The following ATL2 variants were observed in gnomAD, a reference collection of about 807,000 sequenced individuals.
ATL2 encodes atlastin-2.
A neutral mutation model predicts 73.9 loss-of-function variants in ATL2; 31 were observed. That is an observed-to-expected ratio of 0.42 (90% CI 0.32 to 0.57). The LOEUF (loss-of-function observed/expected upper bound fraction) is 0.57, where lower values mean the gene tolerates loss of function less well. Ranked by LOEUF, ATL2 falls within the 20% of genes least tolerant of loss-of-function variation. ATL2 has a pLI of 0.14. For missense variants in ATL2, 738 were observed against 702.6 expected, an observed-to-expected ratio of 1.05 and a Z score of -0.57; for synonymous variants, 291 against 237.5, an observed-to-expected ratio of 1.23 and a Z score of -2.07.
At chr2:38,318,188 G>C (rs1668125670) in intron 4 of ATL2, 1 of 173,586 alleles carries the variant, frequency 5.8e-6, no homozygotes, top group Non-Finnish European at 1.2e-5. Context: ...ATTTTCAAGA[G>C]GGGCAAATGC....
At position 38,295,501 on chromosome 2, in the gene ATL2, G is replaced by T. The variant is rs12712582; in HGVS notation, c.*493C>A. ...CTGTGAAGTTTCTGATACATGCATTGATGTAATACTGGTATTGAAGGCAGT... is the reference window on the plus strand; with the variant it reads ...CTGTGAAGTTTCTGATACATGCATTTATGTAATACTGGTATTGAAGGCAGT... On this transcript the variant is annotated 3_prime_UTR_variant, in exon 13 of 13. Coordinates refer to ENST00000378954, the MANE Select transcript of ATL2 (RefSeq NM_001135673.4). 0.43 allele frequency: 65,498 copies of T among 152,098 alleles called. 15,598 individuals carry two copies. Among genetic ancestry groups the T allele is most frequent in the African/African-American group, 0.65 (26,795 of 41,486 alleles). 9.4% of individuals were successfully genotyped at this position (152,098 alleles called of 1,614,324 possible).
At chr2:38,372,675 T>C (rs1010267089) in intron 1 of ATL2, among the ~76,000 whole-genome samples, 13 of 152,206 alleles carry the variant, frequency 8.5e-5, no homozygotes, top group African/African-American at 3.1e-4. Context: ...AATGATCACA[T>C]CTTATGTTAA....
chr2:38,368,728 A>C (rs1010674427), intron 1 of ATL2, among the ~76,000 whole-genome samples: 5 of 152,254 alleles, frequency 3.3e-5, no homozygotes, highest in Admixed American at 3.3e-4. Flanking sequence ...CCTGCATGCA[A>C]ACAGGCTTTT....
At chr2:38,341,342 A>G (rs1242046586) in intron 2 of ATL2, among the ~76,000 whole-genome samples, 1 of 152,202 alleles carries the variant, frequency 6.6e-6, no homozygotes, top group Non-Finnish European at 1.5e-5. Flanking sequence ...TCAAGTCTAA[A>G]TAGGAAAACT....
At chr2:38,353,465 T>C (rs1368998394) in intron 1 of ATL2, among the ~76,000 whole-genome samples, 3 of 152,190 alleles carry the variant, frequency 2.0e-5, no homozygotes, top group African/African-American at 7.2e-5. Flanking sequence ...TATGGAACAC[T>C]ATCCAACCTG....
chr2:38,369,258 T>A (rs1270737963), intron 1 of ATL2, among the ~76,000 whole-genome samples: 1 of 150,410 alleles, frequency 6.6e-6, no homozygotes, highest in Non-Finnish European at 1.5e-5. Flanking sequence ...AAGACCAGCC[T>A]GACCAACATA....
chr2:38,338,666 T>C (rs1669516683), intron 2 of ATL2, among the ~76,000 whole-genome samples: 1 of 152,104 alleles, frequency 6.6e-6, no homozygotes, highest in Admixed American at 6.6e-5. Context: ...TTCTTTGAGG[T>C]TGGGGTGGAA....
At chr2:38,342,486 GC>G (rs1413113872) in intron 2 of ATL2, among the ~76,000 whole-genome samples, 1 of 152,154 alleles carries the variant, frequency 6.6e-6, no homozygotes, top group African/African-American at 2.4e-5. Context: ...TCAAGGAACA[GC>G]AAAAACTATA....
intron 4 of ATL2, among the ~76,000 whole-genome samples, chr2:38,316,708 A>G (rs1428083893): frequency 6.6e-6 from 1 of 152,212 alleles, no homozygotes; most frequent in Admixed American, 6.5e-5. Context: ...GATAGGCAAG[A>G]TGAGTAAAAC....
intron 12 of ATL2, chr2:38,296,826 T>C: frequency 7.3e-7 from 1 of 1,377,248 alleles, no homozygotes; most frequent in Non-Finnish European, 9.7e-7. Flanking sequence ...CTTTAGATTC[T>C]TCCATTTAAT....
intron 11 of ATL2, among the ~76,000 whole-genome samples, chr2:38,298,916 T>C (rs1326123799): frequency 6.6e-6 from 1 of 152,134 alleles, no homozygotes; most frequent in East Asian, 1.9e-4. Context: ...CAAAAAGATA[T>C]TTTAATGTTT....
chr2:38,298,085 G>T, intron 12 of ATL2, 59 bp downstream of exon 12: 1 of 1,475,854 alleles, frequency 6.8e-7, no homozygotes, highest in African/African-American at 1.4e-5. Flanking sequence ...TACTGCAAAG[G>T]ATGGAAAGTC....
chr2:38,315,846 A>C (rs1558400969), intron 4 of ATL2, among the ~76,000 whole-genome samples: 1 of 152,186 alleles, frequency 6.6e-6, no homozygotes, highest in African/African-American at 2.4e-5. Context: ...TCCTCAGTTT[A>C]CTTACTCATC....
intron 2 of ATL2, among the ~76,000 whole-genome samples, chr2:38,331,405 C>G (rs1204294606): frequency 1.4e-5 from 2 of 145,344 alleles, no homozygotes; most frequent in Admixed American, 1.4e-4. Flanking sequence ...CACTGCACTC[C>G]AGCCTAGCAA....
intron 4 of ATL2, among the ~76,000 whole-genome samples, chr2:38,318,116 A>T (rs1251934345): frequency 6.6e-6 from 1 of 152,144 alleles, no homozygotes; most frequent in Non-Finnish European, 1.5e-5. Context: ...ACCCATGAAT[A>T]GCCACTGCAC....
intron 1 of ATL2, among the ~76,000 whole-genome samples, chr2:38,367,868 G>A (rs934493113): frequency 3.3e-5 from 5 of 150,750 alleles, no homozygotes; most frequent in African/African-American, 9.8e-5. Context: ...TCTGACCTCA[G>A]GTGATCCTCC....
chr2:38,359,856 G>A (rs1041464043), intron 1 of ATL2, among the ~76,000 whole-genome samples: 1 of 151,830 alleles, frequency 6.6e-6, no homozygotes, highest in Non-Finnish European at 1.5e-5. Flanking sequence ...GGCCGGGCGC[G>A]GTGGCTCACG....
rs1020382965 is a variant in ATL2 at position 38,295,447 on chromosome 2, T to C, written c.*547A>G. ...ACAAATGTACACCTCAGAATTACTT[T>C]CTTAGCTACAAGAGTTGCCATGTAA... On this transcript the variant is annotated 3_prime_UTR_variant, in exon 13 of 13. Transcript: ENST00000378954. The C allele has an allele frequency of 2.6e-5, 4 of 152,248 alleles. No individual in the cohort carries two copies. The highest frequency in any genetic ancestry group is 9.6e-5 in the African/African-American group (4 of 41,464). 9.4% of individuals were successfully genotyped at this position (152,248 alleles called of 1,614,324 possible).
intron 11 of ATL2, among the ~76,000 whole-genome samples, 192 bp from the exon 12 acceptor site, chr2:38,298,767 A>G (rs1667037416): frequency 6.6e-6 from 1 of 152,122 alleles, no homozygotes; most frequent in Admixed American, 6.6e-5. Flanking sequence ...AAGCAAAATC[A>G]TTTTCCAAAT....
Sources: gnomAD v4.1 joint callset for allele counts (sites outside exome capture counted in the v4.1 genomes callset) on GRCh38, gnomAD v4.1.1 for gene constraint, MANE v1.5 for transcripts, NCBI Gene and HGNC (gene_info 2026-07-23, HGNC 2026-07-21) for gene names.